Variants in ASTN2 observed in about 807,000 individuals in gnomAD.
ASTN2 encodes astrotactin-2.
A neutral mutation model predicts 139.8 loss-of-function variants in ASTN2; 54 were observed. The ratio of observed to expected loss-of-function variants is 0.39; its 90% confidence interval spans 0.31 to 0.48. The LOEUF (loss-of-function observed/expected upper bound fraction) is 0.48. Ranked by LOEUF, ASTN2 falls within the 20% of genes least tolerant of loss-of-function variation. The pLI is 0.95. For synonymous variants in ASTN2, 756 were observed against 719.5 expected, an observed-to-expected ratio of 1.05 and a Z score of -0.81; for missense variants, 1,565 against 1,725.1, an observed-to-expected ratio of 0.91 and a Z score of 1.64.
At chr9:116,871,245 G>A (rs7030126) in intron 10 of ASTN2, among the ~76,000 whole-genome samples, 57,485 of 151,940 alleles carry the variant, frequency 0.38, 11,726 homozygotes, top group Non-Finnish European at 0.46. Flanking sequence ...GCAACAAAGC[G>A]AGACTCCGTC....
At chr9:117,331,045 A>G (rs1396152877) in intron 1 of ASTN2, among the ~76,000 whole-genome samples, 1 of 152,070 alleles carries the variant, frequency 6.6e-6, no homozygotes, top group Non-Finnish European at 1.5e-5. Flanking sequence ...AGAAACAAAC[A>G]CCTACTTGTG....
At chr9:117,121,889 A>T (rs771858718) in intron 4 of ASTN2, among the ~76,000 whole-genome samples, 9 of 152,104 alleles carry the variant, frequency 5.9e-5, no homozygotes, top group Non-Finnish European at 1.3e-4. Flanking sequence ...AAACAACCAG[A>T]ACTCCTGATA....
chr9:117,155,962 G>C lies in ASTN2; in HGVS notation c.1016-14484C>G, dbSNP rs554611416. ...GACCATACCTAGGAGTGTGTTGACA[G>C]ATGAGTGTTACATTAAGCATATTAT... On this transcript the variant is annotated intron_variant, in intron 3 of 22. Transcript: ENST00000313400. Among the ~76,000 whole-genome samples, 38 of 152,078 alleles carry C rather than the reference G, an allele frequency of 2.5e-4. No homozygotes were observed. In the South Asian group the frequency reaches 6.6e-3, roughly 27 times the overall value.
At chr9:116,429,640 G>A (rs1847433312) in intron 22 of ASTN2, among the ~76,000 whole-genome samples, 2 of 152,132 alleles carry the variant, frequency 1.3e-5, no homozygotes, top group Admixed American at 6.5e-5. Flanking sequence ...CACTCTCATT[G>A]TCATCATCAT....
chr9:117,041,924 T>C (rs1197798073), intron 5 of ASTN2, among the ~76,000 whole-genome samples: 6 of 152,196 alleles, frequency 3.9e-5, no homozygotes, highest in Non-Finnish European at 7.3e-5. Flanking sequence ...AAACTACCCA[T>C]ATTCATTGTG....
intron 2 of ASTN2, among the ~76,000 whole-genome samples, chr9:117,256,974 A>T (rs1280226389): frequency 1.3e-5 from 2 of 152,228 alleles, no homozygotes; most frequent in Non-Finnish European, 2.9e-5. Context: ...TAGCTGGAAA[A>T]AAAAAAGGAG....
intron 2 of ASTN2, among the ~76,000 whole-genome samples, chr9:117,240,907 T>G (rs999652947): frequency 1.3e-5 from 2 of 152,160 alleles, no homozygotes; most frequent in African/African-American, 4.8e-5. Flanking sequence ...CTGCATATTT[T>G]GAAATTTTAG....
intron 2 of ASTN2, among the ~76,000 whole-genome samples, chr9:117,281,052 TC>T (rs1270914279): frequency 5.9e-5 from 9 of 152,170 alleles, no homozygotes; most frequent in African/African-American, 2.2e-4. Flanking sequence ...ATTATTTATA[TC>T]AGTATTTTAA....
intron 17 of ASTN2, among the ~76,000 whole-genome samples, chr9:116,624,245 G>C (rs1011098612): frequency 6.6e-6 from 1 of 152,076 alleles, no homozygotes; most frequent in Non-Finnish European, 1.5e-5. Context: ...AAGATTCCTC[G>C]TTCTTAACCT....
At chr9:117,337,042 A>C (rs1828909070) in intron 1 of ASTN2, among the ~76,000 whole-genome samples, 1 of 152,230 alleles carries the variant, frequency 6.6e-6, no homozygotes, top group South Asian at 2.1e-4. Context: ...AGCAATATAA[A>C]TAAATGCATA....
intron 19 of ASTN2, chr9:116,582,339 T>C (rs753864436): frequency 3.9e-5 from 6 of 152,210 alleles, no homozygotes; most frequent in Non-Finnish European, 1.5e-5. Context: ...CCTTTGCAGC[T>C]TTCCTAGAAA....
intron 1 of ASTN2, among the ~76,000 whole-genome samples, chr9:117,358,372 C>T (rs956126648): frequency 6.6e-6 from 1 of 151,572 alleles, no homozygotes; most frequent in African/African-American, 2.4e-5. Flanking sequence ...TCTCTGGCAA[C>T]AGGAAAAGGT....
intron 19 of ASTN2, among the ~76,000 whole-genome samples, chr9:116,493,943 T>C (rs940720758): frequency 3.3e-5 from 5 of 152,106 alleles, no homozygotes; most frequent in Non-Finnish European, 5.9e-5. Context: ...CAGATGCTCT[T>C]TGTCATGGTG....
intron 2 of ASTN2, among the ~76,000 whole-genome samples, chr9:117,229,359 C>T (rs7026164): frequency 0.48 from 73,331 of 151,966 alleles, 17,968 homozygotes; most frequent in South Asian, 0.62. Context: ...CTGCTCCCCA[C>T]ATTCCCTCGG....
At chr9:117,020,407 G>A (rs1012566582) in intron 6 of ASTN2, among the ~76,000 whole-genome samples, 1 of 151,892 alleles carries the variant, frequency 6.6e-6, no homozygotes, top group Non-Finnish European at 1.5e-5. Flanking sequence ...AGAGTCTGAG[G>A]CACTGGGCCA....
chr9:116,987,512 T>G (rs2132545920), intron 7 of ASTN2, among the ~76,000 whole-genome samples: 2 of 152,292 alleles, frequency 1.3e-5, no homozygotes, highest in East Asian at 1.9e-4. Context: ...CCCTTCACCT[T>G]CTGCCATAAC....
At chr9:116,559,169 T>C (rs887850126) in intron 19 of ASTN2, among the ~76,000 whole-genome samples, 10 of 152,158 alleles carry the variant, frequency 6.6e-5, no homozygotes, top group Non-Finnish European at 1.2e-4. Context: ...CTTCCATATG[T>C]GTTAAATGTT....
rs1259347325 is a variant in ASTN2 at position 116,639,658 on chromosome 9, C to T, written c.3072+11870G>A. On this transcript the variant is annotated intron_variant, in intron 17 of 22. Transcript: ENST00000313400. Reference sequence around the variant, plus strand: ...GGCTGGGGCAGTCTTTGATGACACCCTCAGATAAATGATGGTGGTGTGATA... The same window carrying T: ...GGCTGGGGCAGTCTTTGATGACACCTTCAGATAAATGATGGTGGTGTGATA... Among the ~76,000 whole-genome samples, 5 of 152,116 alleles carry T rather than the reference C, an allele frequency of 3.3e-5. No homozygotes were observed. The South Asian group carries it at 1.0e-3, about 32-fold the overall frequency.
At chr9:116,781,607 C>A (rs1405908594) in intron 13 of ASTN2, among the ~76,000 whole-genome samples, 1 of 152,106 alleles carries the variant, frequency 6.6e-6, no homozygotes, top group Non-Finnish European at 1.5e-5. Context: ...TTAATTAGAA[C>A]TGTTATTAGT....
Sources: allele counts gnomAD v4.1 joint callset (sites outside exome capture counted in the v4.1 genomes callset), GRCh38; gene constraint gnomAD v4.1.1; transcripts MANE v1.5; gene names NCBI Gene and HGNC (gene_info 2026-07-23, HGNC 2026-07-21).